The following ARHGAP24 variants were observed in gnomAD, a reference collection of about 807,000 sequenced individuals.
The protein encoded by ARHGAP24 is Rho GTPase activating protein 24.
A neutral mutation model predicts 76.4 loss-of-function variants in ARHGAP24; 50 were observed. The observed-to-expected ratio is 0.65, with a 90% CI of 0.52 to 0.83. The LOEUF is 0.83. Ranked by LOEUF, ARHGAP24 falls within the 40% of genes least tolerant of loss-of-function variation. The probability of loss-of-function intolerance (pLI) is 0.00; values close to 1 mark genes in which losing one functional copy is unlikely to be tolerated. For missense variants in ARHGAP24, 930 were observed against 914.2 expected (o/e 1.02, Z -0.22); for synonymous variants, 345 against 323.3 (o/e 1.07, Z -0.72).
At chr4:85,596,637 T>C (rs1719845797) in intron 2 of ARHGAP24, among the ~76,000 whole-genome samples, 1 of 152,078 alleles carries the variant, frequency 6.6e-6, no homozygotes, top group South Asian at 2.1e-4. Flanking sequence ...AGACCAGCTT[T>C]TCTGAAACAC....
intron 2 of ARHGAP24, among the ~76,000 whole-genome samples, chr4:85,680,011 T>C (rs1723142433): frequency 6.6e-6 from 1 of 152,224 alleles, no homozygotes; most frequent in Admixed American, 6.5e-5. Context: ...TCCTCTCTGC[T>C]TCTACCTCCC....
chr4:85,845,824 A>G (rs1343137547), intron 3 of ARHGAP24, among the ~76,000 whole-genome samples: 1 of 152,250 alleles, frequency 6.6e-6, no homozygotes, highest in Non-Finnish European at 1.5e-5. Flanking sequence ...TAATCTAAAT[A>G]GAAAACAATT....
intron 3 of ARHGAP24, chr4:85,722,282 G>GA (rs1724976887): frequency 3.2e-6 from 1 of 307,924 alleles, no homozygotes; most frequent in East Asian, 7.5e-5. Flanking sequence ...GCGCTCTTGT[G>GA]ATGTGAAATT....
At chr4:85,966,942 A>C (rs1738656227) in intron 5 of ARHGAP24, among the ~76,000 whole-genome samples, 1 of 152,062 alleles carries the variant, frequency 6.6e-6, no homozygotes, top group South Asian at 2.1e-4. Context: ...AAAAATTCCC[A>C]TTTCTAATTT....
intron 1 of ARHGAP24, among the ~76,000 whole-genome samples, chr4:85,550,861 T>C (rs1726105837): frequency 1.3e-5 from 2 of 151,938 alleles, no homozygotes; most frequent in East Asian, 1.9e-4. Context: ...AAATGTTATA[T>C]AGGAATGCTA....
intron 2 of ARHGAP24, among the ~76,000 whole-genome samples, chr4:85,589,269 T>C (rs1288227741): frequency 6.6e-6 from 1 of 152,228 alleles, no homozygotes; most frequent in Non-Finnish European, 1.5e-5. Context: ...CCTCATTTTC[T>C]CATCTTAAAC....
At chr4:85,973,966 C>T (rs1337091834) in intron 6 of ARHGAP24, among the ~76,000 whole-genome samples, 2 of 150,888 alleles carry the variant, frequency 1.3e-5, no homozygotes, top group Non-Finnish European at 3.0e-5. Context: ...CCTCAGCCTC[C>T]CAAGTAGCTG....
intron 2 of ARHGAP24, among the ~76,000 whole-genome samples, chr4:85,602,208 G>A (rs1270011473): frequency 6.6e-6 from 1 of 152,172 alleles, no homozygotes; most frequent in African/African-American, 2.4e-5. Context: ...AAAGAAAGCA[G>A]TATTTGAAGG....
At chr4:85,959,604 G>A (rs1303383560) in intron 5 of ARHGAP24, among the ~76,000 whole-genome samples, 2 of 152,180 alleles carry the variant, frequency 1.3e-5, no homozygotes, top group Non-Finnish European at 2.9e-5. Context: ...TCATCCGTCA[G>A]TTGGTAGACA....
intron 1 of ARHGAP24, among the ~76,000 whole-genome samples, chr4:85,510,037 C>T (rs1324632572): frequency 1.3e-5 from 2 of 152,118 alleles, no homozygotes; most frequent in Non-Finnish European, 2.9e-5. Flanking sequence ...AGCCAAAGCA[C>T]ACTTGGCTCT....
chr4:85,929,750 T>C (rs1736219718), intron 4 of ARHGAP24, among the ~76,000 whole-genome samples: 2 of 152,234 alleles, frequency 1.3e-5, no homozygotes, highest in Admixed American at 6.5e-5. Context: ...CATACACATG[T>C]ATAAATATGT....
chr4:85,729,045 CT>C (rs1302500257), intron 3 of ARHGAP24, among the ~76,000 whole-genome samples: 1 of 152,108 alleles, frequency 6.6e-6, no homozygotes, highest in Admixed American at 6.6e-5. Flanking sequence ...CTTATCTTAA[CT>C]TTTTTTCTTT....
intron 2 of ARHGAP24, among the ~76,000 whole-genome samples, chr4:85,675,091 GAA>G (rs1722932266): frequency 1.3e-5 from 2 of 152,156 alleles, no homozygotes; most frequent in South Asian, 4.1e-4. Context: ...CTCTGGTGAG[GAA>G]AAAACAAGCA....
chr4:85,532,087 C>T (rs1250932965), intron 1 of ARHGAP24, among the ~76,000 whole-genome samples: 2 of 137,916 alleles, frequency 1.5e-5, no homozygotes, highest in Admixed American at 1.6e-4. Flanking sequence ...GCAACTCAGT[C>T]ATGTGCAGTG....
chr4:85,680,352 G>A (rs1232212407), intron 2 of ARHGAP24, among the ~76,000 whole-genome samples: 1 of 152,132 alleles, frequency 6.6e-6, no homozygotes, highest in African/African-American at 2.4e-5. Context: ...CCAATGCATA[G>A]TCAACCTTTC....
At chr4:85,758,476 C>T (rs1490817530) in intron 3 of ARHGAP24, among the ~76,000 whole-genome samples, 1 of 152,102 alleles carries the variant, frequency 6.6e-6, no homozygotes, top group African/African-American at 2.4e-5. Context: ...AGCTGAAGTC[C>T]CCCAGCTCCT....
At chr4:85,579,811 A>G (rs1451632429) in intron 2 of ARHGAP24, among the ~76,000 whole-genome samples, 3 of 152,150 alleles carry the variant, frequency 2.0e-5, no homozygotes, top group Non-Finnish European at 4.4e-5. Context: ...GTTGAAAAAT[A>G]TTCCATTGTA....
rs1489070912 is a variant in ARHGAP24, at chr4:85,860,683, A to G, written c.269-62965A>G. ...TTTAATAGTGTACCCCAGGTGCAAT[A>G]CAAAATAATTTGTCCATCACCAGGA... is the stretch of plus-strand genomic sequence containing the variant. On this transcript the variant is annotated intron_variant, in intron 3 of 9. Transcript: ENST00000395184. 2.0e-5 allele frequency among the ~76,000 whole-genome samples: 3 copies of G among 152,238 alleles called. No individual in the cohort carries two copies. The East Asian group carries it at 5.8e-4, about 29-fold the overall frequency.
chr4:85,951,035 T>C (rs1278875551), intron 5 of ARHGAP24, among the ~76,000 whole-genome samples: 1 of 152,166 alleles, frequency 6.6e-6, no homozygotes, highest in East Asian at 1.9e-4. Flanking sequence ...TCAAAATATT[T>C]TTAGCAAGTA....
Sources: allele counts gnomAD v4.1 joint callset (sites outside exome capture counted in the v4.1 genomes callset), GRCh38; gene constraint gnomAD v4.1.1; transcripts MANE v1.5; gene names NCBI Gene and HGNC (gene_info 2026-07-23, HGNC 2026-07-21).